ERBB4: variants seen among roughly 807,000 people sequenced by gnomAD.
The protein encoded by ERBB4 is receptor tyrosine-protein kinase erbB-4.
In ERBB4, 42 loss-of-function variants were observed where a neutral mutation model predicts 158.0. The observed-to-expected ratio is 0.27, with a 90% confidence interval of 0.21 to 0.34. The LOEUF (loss-of-function observed/expected upper bound fraction) is 0.34, where lower values mean the gene tolerates loss of function less well. Ranked by LOEUF, ERBB4 falls within the 10% of genes least tolerant of loss-of-function variation. ERBB4 has a pLI of 1.00. For missense variants in ERBB4, 1,333 were observed against 1,624.1 expected, an observed-to-expected ratio of 0.82 and a Z score of 3.08; for synonymous variants, 583 against 558.7, an observed-to-expected ratio of 1.04 and a Z score of -0.61.
chr2:211,795,066 CT>C (rs1053220678), intron 3 of ERBB4, among the ~76,000 whole-genome samples: 1 of 151,816 alleles, frequency 6.6e-6, no homozygotes, highest in Non-Finnish European at 1.5e-5. Context: ...GATTTAACTT[CT>C]TGCCTGTAAT....
chr2:211,995,155 A>G (rs2082170172), intron 2 of ERBB4, among the ~76,000 whole-genome samples: 1 of 152,216 alleles, frequency 6.6e-6, no homozygotes, highest in Admixed American at 6.5e-5. Context: ...ACTTAATGTC[A>G]GATCAGAACA....
intron 3 of ERBB4, among the ~76,000 whole-genome samples, chr2:211,877,062 C>T (rs560132232): frequency 4.6e-4 from 70 of 152,270 alleles, no homozygotes; most frequent in Non-Finnish European, 6.9e-4. Context: ...ATGCATTAGC[C>T]TTTCTTTAGC....
intron 4 of ERBB4, among the ~76,000 whole-genome samples, chr2:211,761,648 C>G (rs2075416890): frequency 6.6e-6 from 1 of 152,002 alleles, no homozygotes; most frequent in African/African-American, 2.4e-5. Context: ...GTAAATGGGT[C>G]TAAAATAAAT....
intron 2 of ERBB4, among the ~76,000 whole-genome samples, chr2:212,015,177 A>G: frequency 6.8e-6 from 1 of 146,268 alleles, no homozygotes; most frequent in Non-Finnish European, 1.5e-5. Context: ...GAGGCAGGAG[A>G]ATGGGGTGAA....
At chr2:211,665,814 T>G (rs2071609527) in intron 14 of ERBB4, among the ~76,000 whole-genome samples, 1 of 152,226 alleles carries the variant, frequency 6.6e-6, no homozygotes, top group African/African-American at 2.4e-5. Context: ...TCAGCAAAAC[T>G]GTCCAATGAC....
chr2:211,874,467 G>T (rs1433713164), intron 3 of ERBB4, among the ~76,000 whole-genome samples: 4 of 151,966 alleles, frequency 2.6e-5, no homozygotes, highest in African/African-American at 9.7e-5. Flanking sequence ...ATTATTTAAT[G>T]CTAGGTCTTC....
intron 3 of ERBB4, among the ~76,000 whole-genome samples, chr2:211,907,300 G>A (rs2079420861): frequency 2.0e-5 from 3 of 151,622 alleles, no homozygotes; most frequent in Non-Finnish European, 4.4e-5. Flanking sequence ...TGAAGCCAGG[G>A]GACTGAATGA....
intron 1 of ERBB4, among the ~76,000 whole-genome samples, chr2:212,222,725 T>C: frequency 6.6e-6 from 1 of 151,500 alleles, no homozygotes; most frequent in East Asian, 1.9e-4. Flanking sequence ...TCCTCTTTAA[T>C]AAAACTGCAG....
intron 1 of ERBB4, among the ~76,000 whole-genome samples, chr2:212,446,675 TAC>T (rs1433448180): frequency 8.2e-6 from 1 of 121,358 alleles, no homozygotes; most frequent in Middle Eastern, 4.5e-3. Flanking sequence ...CCCTGACTAA[TAC>T]ACCAGGGTAT....
chr2:212,331,910 CTA>C, intron 1 of ERBB4, among the ~76,000 whole-genome samples: 1 of 152,116 alleles, frequency 6.6e-6, no homozygotes, highest in Non-Finnish European at 1.5e-5. Context: ...AGAATTAATT[CTA>C]TATTCTGCTG....
intron 3 of ERBB4, among the ~76,000 whole-genome samples, chr2:211,838,876 T>A (rs1020126): frequency 1.3e-5 from 2 of 151,894 alleles, no homozygotes; most frequent in African/African-American, 4.8e-5. Flanking sequence ...ACTGAAGCTA[T>A]TGAACTCTGA....
In ERBB4 at chr2:212,044,721, T is replaced by A. The variant is rs576237880; in HGVS notation, c.234+80031A>T. Among the ~76,000 whole-genome samples the A allele has an allele frequency of 5.3e-5, 8 of 152,308 alleles. No individual in the cohort carries two copies. The East Asian group carries it at 1.5e-3, about 29-fold the overall frequency. On this transcript the variant is annotated intron_variant, in intron 2 of 27. Coordinates refer to ENST00000342788, the MANE Select transcript of ERBB4 (RefSeq NM_005235.3). Reference sequence around the variant, plus strand: ...GTTGGCTAATATGTTATCTGGAGGATCTTACTCCCATACCTCCTTAAACTG... The same window carrying A: ...GTTGGCTAATATGTTATCTGGAGGAACTTACTCCCATACCTCCTTAAACTG...
At chr2:212,443,587 A>G (rs1252468858) in intron 1 of ERBB4, among the ~76,000 whole-genome samples, 1 of 152,168 alleles carries the variant, frequency 6.6e-6, no homozygotes, top group Non-Finnish European at 1.5e-5. Context: ...CAATTTATTG[A>G]ATGACCAAAA....
chr2:211,566,648 T>C (rs923736427), intron 19 of ERBB4, among the ~76,000 whole-genome samples: 3 of 152,154 alleles, frequency 2.0e-5, no homozygotes, highest in South Asian at 4.1e-4. Context: ...ATTCACAGTG[T>C]AAACCAGAGG....
chr2:211,478,120 A>G (rs1056524875), intron 20 of ERBB4, among the ~76,000 whole-genome samples: 2 of 152,182 alleles, frequency 1.3e-5, no homozygotes, highest in African/African-American at 4.8e-5. Flanking sequence ...AGGGATGCCA[A>G]CCACATTAAT....
chr2:211,849,752 T>C (rs538065074), intron 3 of ERBB4, among the ~76,000 whole-genome samples: 10 of 152,118 alleles, frequency 6.6e-5, no homozygotes, highest in Admixed American at 6.6e-4. Flanking sequence ...AGCCACTGAA[T>C]GGCATTTTTA....
intron 15 of ERBB4, among the ~76,000 whole-genome samples, chr2:211,660,649 A>C (rs1574941855): frequency 6.6e-6 from 1 of 152,146 alleles, no homozygotes; most frequent in Non-Finnish European, 1.5e-5. Context: ...GTTAACGGGG[A>C]AAGAAGGCAT....
intron 2 of ERBB4, among the ~76,000 whole-genome samples, chr2:212,003,939 T>A (rs527592277): frequency 6.6e-6 from 1 of 152,322 alleles, no homozygotes; most frequent in Admixed American, 6.5e-5. Context: ...GTGTCATTTG[T>A]GAAGATTAAA....
intron 16 of ERBB4, among the ~76,000 whole-genome samples, chr2:211,635,530 C>G (rs1159178530): frequency 6.6e-6 from 1 of 152,088 alleles, no homozygotes; most frequent in Non-Finnish European, 1.5e-5. Flanking sequence ...TGTGAGAGGA[C>G]ACATGAAACC....
Sources: allele counts gnomAD v4.1 joint callset (sites outside exome capture counted in the v4.1 genomes callset), GRCh38; gene constraint gnomAD v4.1.1; transcripts MANE v1.5; gene names NCBI Gene and HGNC (gene_info 2026-07-23, HGNC 2026-07-21).